Variants in EIF4ENIF1 observed in about 807,000 individuals in gnomAD.
The protein encoded by EIF4ENIF1 is eukaryotic translation initiation factor 4E transporter.
In EIF4ENIF1, 23 loss-of-function variants were observed where a neutral mutation model predicts 110.5. The ratio of observed to expected loss-of-function variants is 0.21; its 90% CI spans 0.15 to 0.29. EIF4ENIF1 has a LOEUF of 0.29. Among genes scored for constraint, EIF4ENIF1 ranks in the 10% least tolerant of loss-of-function variants. The pLI, the probability that EIF4ENIF1 is intolerant of heterozygous loss-of-function variation, is 1.00. For synonymous variants in EIF4ENIF1, 440 were observed against 437.0 expected (o/e 1.01, Z -0.09); for missense variants, 1,031 against 1,221.1 (o/e 0.84, Z 2.32).
At chr22:31,472,100 C>A (rs182271019) in intron 2 of EIF4ENIF1, among the ~76,000 whole-genome samples, 183 bp from the exon 3 acceptor site, 5 of 152,270 alleles carry the variant, frequency 3.3e-5, no homozygotes, top group East Asian at 3.9e-4. Flanking sequence ...GCAGAATAAT[C>A]CAGTAACTTA....
At position 31,474,185 on chromosome 22, in the gene EIF4ENIF1, A is replaced by G. The variant is rs550956127; in HGVS notation, c.97-2268T>C. ...CACTTCTTCCACCTCAGCCTCCCGAATAGCTGGGACTACAGGCATGCACCA... is the reference window on the plus strand; with the variant it reads ...CACTTCTTCCACCTCAGCCTCCCGAGTAGCTGGGACTACAGGCATGCACCA... On this transcript the variant is annotated intron_variant, in intron 2 of 18. Transcript: ENST00000330125. 5.3e-5 allele frequency among the ~76,000 whole-genome samples: 8 copies of G among 151,794 alleles called. No individual in the cohort carries two copies. The East Asian group carries it at 1.6e-3, about 29-fold the overall frequency.
At chr22:31,455,435 T>C (rs2050785629) in intron 8 of EIF4ENIF1, 120 bp from the exon 9 acceptor site, 1 of 933,688 alleles carries the variant, frequency 1.1e-6, no homozygotes, top group African/African-American at 1.7e-5. Flanking sequence ...GTTTCGCTTT[T>C]TCGCCCAGGC....
intron 6 of EIF4ENIF1, 104 bp downstream of exon 6, chr22:31,462,828 C>T (rs763195361): frequency 3.3e-6 from 4 of 1,207,014 alleles, no homozygotes; most frequent in Non-Finnish European, 4.6e-6. Flanking sequence ...GGTGATCCGC[C>T]CACCTCGGCC....
At chr22:31,461,634 T>C (rs1385262595) in intron 6 of EIF4ENIF1, 1 of 152,322 alleles carries the variant, frequency 6.6e-6, no homozygotes, top group Admixed American at 6.5e-5. Context: ...GGTTTCACCA[T>C]GTTGGCCAGG....
At chr22:31,471,995 C>A in intron 2 of EIF4ENIF1, 78 bp from the exon 3 acceptor site, 2 of 1,167,016 alleles carry the variant, frequency 1.7e-6, no homozygotes, top group South Asian at 1.4e-5. Context: ...CTGAATAATT[C>A]TAAGTGTCCA....
At chr22:31,459,443 C>A (rs531998961) in intron 6 of EIF4ENIF1, among the ~76,000 whole-genome samples, 55 of 152,282 alleles carry the variant, frequency 3.6e-4, no homozygotes, top group African/African-American at 1.3e-3. Context: ...TGTAGCTCAT[C>A]CTTCAAGGCG....
At chr22:31,452,726 T>G (rs956375295) in intron 10 of EIF4ENIF1, among the ~76,000 whole-genome samples, 12 of 152,222 alleles carry the variant, frequency 7.9e-5, no homozygotes, top group Non-Finnish European at 1.6e-4. Context: ...CTGATCTTCA[T>G]TTGAAAGCAT....
At chr22:31,449,149 T>C (rs1169059006) in intron 12 of EIF4ENIF1, among the ~76,000 whole-genome samples, 199 bp downstream of exon 12, 1 of 152,162 alleles carries the variant, frequency 6.6e-6, no homozygotes, top group African/African-American at 2.4e-5. Context: ...TAGCTGGGAT[T>C]ACAGGCATGC....
chr22:31,488,873 C>G (rs2052147112), intron 1 of EIF4ENIF1, 128 bp from the exon 2 acceptor site: 1 of 991,218 alleles, frequency 1.0e-6, no homozygotes, highest in Non-Finnish European at 1.4e-6. Flanking sequence ...GTCCCCACCC[C>G]AAAATTATGC....
In EIF4ENIF1 at chr22:31,468,271, C is replaced by T. The variant is rs1268003316; in HGVS notation, c.202G>A (p.Ala68Thr). The T allele has an allele frequency of 6.2e-7, 1 of 1,614,180 alleles. No individual in the cohort carries two copies. The highest frequency in any genetic ancestry group is 8.5e-7 in the Non-Finnish European group (1 of 1,180,032). ...CGCCCTGAAGCTGGGTAGAGAGAGG[C>T]ATGCCACTTCTCAGGGTCCCAGACA... is the stretch of plus-strand genomic sequence containing the variant. ...DGVWDPEKWH[A>T]SLYPASGRSS... Residue 68 changes from alanine (A) to threonine (T), a missense_variant, in exon 4 of 19, where the codon GCC becomes ACC. Physicochemically the swap from Ala to Thr is moderately conservative, Grantham distance 58. This residue lies in a region of EIF4ENIF1 where 704 missense variants were observed against 879.7 expected (regional missense o/e 0.80). Coordinates refer to ENST00000330125, the MANE Select transcript of EIF4ENIF1 (RefSeq NM_019843.4).
intron 6 of EIF4ENIF1, among the ~76,000 whole-genome samples, chr22:31,460,649 TA>T (rs965765094): frequency 2.4e-4 from 32 of 132,246 alleles, no homozygotes; most frequent in South Asian, 4.8e-4. Context: ...GAAAATTAAT[TA>T]AAAAAAAAAA....
chr22:31,449,559 G>A (rs2145923955), intron 11 of EIF4ENIF1, 28 bp from the exon 12 acceptor site: 1 of 1,598,004 alleles, frequency 6.3e-7, no homozygotes, highest in Non-Finnish European at 8.5e-7. Context: ...AAATCCCTGT[G>A]AACTTAGTTA....
rs74985082 is a variant in EIF4ENIF1 at position 31,472,069 on chromosome 22, T to C, written c.97-152A>G. The C allele has an allele frequency of 1.6e-3, 964 of 604,356 alleles. 5 individuals carry two copies. In the African/African-American group the frequency reaches 0.016, roughly 10 times the overall value. The allele number at this position is 604,356 out of a possible 1,614,324, so 37.4% of individuals were successfully genotyped here. On this transcript the variant is annotated intron_variant, in intron 2 of 18. Coordinates refer to ENST00000330125, the MANE Select transcript of EIF4ENIF1 (RefSeq NM_019843.4). ...TTATTTCAGAAAGGACTGGAGTACA[T>C]TGAGGTTCTCACAAGCTCAAGCAGA...
intron 2 of EIF4ENIF1, among the ~76,000 whole-genome samples, chr22:31,479,814 G>C (rs909693177): frequency 6.6e-6 from 1 of 150,388 alleles, no homozygotes; most frequent in African/African-American, 2.4e-5. Context: ...GGACTCAAGT[G>C]ATCTTTCTTG....
chr22:31,439,678 C>T lies in EIF4ENIF1; in HGVS notation c.*202G>A. The T allele has an allele frequency of 1.5e-6, 1 of 660,602 alleles. No homozygotes were observed. Among genetic ancestry groups the T allele is most frequent in the Non-Finnish European group, 2.5e-6 (1 of 407,094 alleles). The allele number at this position is 660,602 out of a possible 1,614,324, so 40.9% of individuals were successfully genotyped here. ...TCCAGGATTGACAACATTGTGCATC[C>T]TGTATTCAGACAATGTACACTCCAC... On this transcript the variant is annotated 3_prime_UTR_variant, in exon 19 of 19. Coordinates refer to ENST00000330125, the MANE Select transcript of EIF4ENIF1 (RefSeq NM_019843.4).
chr22:31,477,377 A>AAAAAAAAC (rs2051622594), intron 2 of EIF4ENIF1, among the ~76,000 whole-genome samples: 1 of 146,560 alleles, frequency 6.8e-6, no homozygotes, highest in South Asian at 2.2e-4. Flanking sequence ...AAAAAAAACA[A>AAAAAAAAC]AAAAAACAAA....
In EIF4ENIF1 at chr22:31,439,844, C is replaced by T; in HGVS notation, c.*36G>A. The T allele has an allele frequency of 6.2e-7, 1 of 1,604,870 alleles. No homozygotes were observed. The highest frequency in any genetic ancestry group is 1.3e-5 in the African/African-American group (1 of 75,034). ...AGCAGGGTCCTGCCCAGTGTGCCAC[C>T]ACAGGTCCGGGCTTAGTTGAGTCTG... On this transcript the variant is annotated 3_prime_UTR_variant, in exon 19 of 19. Transcript: ENST00000330125.
Position 31,450,291 on chromosome 22 carries a change from G to A in EIF4ENIF1, c.1582C>T (p.Gln528Ter), listed in dbSNP as rs1360358423. 3.1e-6 allele frequency: 5 copies of A among 1,613,020 alleles called. No individual in the cohort carries two copies. Among genetic ancestry groups the A allele is most frequent in the Non-Finnish European group, 4.2e-6 (5 of 1,179,156 alleles). Residue 528 changes from glutamine to a stop codon, truncating the protein, a stop_gained and splice_region_variant, in exon 11 of 19, where the codon CAG becomes TAG. Coordinates refer to ENST00000330125, the MANE Select transcript of EIF4ENIF1 (RefSeq NM_019843.4). LOFTEE classifies it high-confidence loss of function. ...PGQPVPKNIL[Q>*]ELLGQPVQRP... ...CTCAGTATAAGATTGTGAAGTACCT[G>A]CAGGATGTTCTTAGGGACAGGCTGG...
intron 6 of EIF4ENIF1, among the ~76,000 whole-genome samples, chr22:31,460,221 T>C (rs1352484752): frequency 5.3e-5 from 8 of 152,228 alleles, no homozygotes; most frequent in African/African-American, 1.7e-4. Flanking sequence ...CAAAAGAAGA[T>C]GAGTATTTTG....
Sources: allele counts gnomAD v4.1 joint callset (sites outside exome capture counted in the v4.1 genomes callset), GRCh38; gene constraint gnomAD v4.1.1; regional missense constraint gnomAD v4.1.1; transcripts MANE v1.5; gene names NCBI Gene and HGNC (gene_info 2026-07-23, HGNC 2026-07-21).